Variants in ZNF155 observed in about 807,000 individuals in gnomAD.
The protein encoded by ZNF155 is zinc finger protein 155, also known as KRAB A domain.
A neutral mutation model predicts 11.9 loss-of-function variants in ZNF155; 15 were observed. The ratio of observed to expected loss-of-function variants is 1.26; its 90% CI spans 0.84 to 1.94. ZNF155 has a LOEUF of 1.94. Ranked by LOEUF, ZNF155 falls within the 30% of genes most tolerant of loss-of-function variation. The pLI, the probability that ZNF155 is intolerant of heterozygous loss-of-function variation, is 0.00. For missense variants in ZNF155, 602 were observed against 639.1 expected (o/e 0.94, Z 0.63); for synonymous variants, 212 against 219.9 (o/e 0.96, Z 0.32).
intron 2 of ZNF155, chr19:43,990,198 G>A (rs989182698): frequency 5.0e-6 from 4 of 802,206 alleles, no homozygotes; most frequent in Non-Finnish European, 1.8e-6. Context: ...ATTTTCATTT[G>A]AAATTATTAT....
chr19:43,997,643 C>A lies in ZNF155; in HGVS notation c.*169C>A. 1.5e-6 allele frequency: 1 copy of A among 663,358 alleles called. No individual in the cohort carries two copies. Among genetic ancestry groups the A allele is most frequent in the South Asian group, 2.2e-5 (1 of 46,312 alleles). The allele number at this position is 663,358 out of a possible 1,614,324, so 41.1% of individuals were successfully genotyped here. A position where few individuals can be genotyped will look rare whatever the true frequency, so the allele number is the denominator to read the frequency against. ...GTTGGTAGACAGCAAGGGAAGGGTC[C>A]CTGGAGACCCCCAGCCAAACGGGTC... On this transcript the variant is annotated 3_prime_UTR_variant, in exon 5 of 5. Coordinates refer to ENST00000270014, the MANE Select transcript of ZNF155 (RefSeq NM_198089.3).
chr19:43,985,627 C>T (rs1335701539), intron 1 of ZNF155, among the ~76,000 whole-genome samples: 1 of 150,796 alleles, frequency 6.6e-6, no homozygotes, highest in Non-Finnish European at 1.5e-5. Flanking sequence ...TGCAATAGGC[C>T]GCCTCCCAGG....
At chr19:43,991,315 A>C (rs1975654694) in intron 2 of ZNF155, among the ~76,000 whole-genome samples, 1 of 152,174 alleles carries the variant, frequency 6.6e-6, no homozygotes, top group Non-Finnish European at 1.5e-5. Context: ...AGACTCAATG[A>C]GTGCACAGAA....
intron 2 of ZNF155, chr19:43,988,857 A>G (rs980199311): frequency 4.0e-5 from 12 of 296,778 alleles, no homozygotes; most frequent in Admixed American, 2.4e-4. Flanking sequence ...GCTGTTCGTC[A>G]TGTACATTTG....
At chr19:43,989,330 C>T (rs1389387000) in intron 2 of ZNF155, among the ~76,000 whole-genome samples, 2 of 152,164 alleles carry the variant, frequency 1.3e-5, no homozygotes, top group African/African-American at 4.8e-5. Context: ...TTAACCAAAG[C>T]AGTAGAAAGC....
chr19:43,997,718 A>C lies in ZNF155; in HGVS notation c.*244A>C. On this transcript the variant is annotated 3_prime_UTR_variant, in exon 5 of 5. Transcript: ENST00000270014. ...AAAAGCAGCCTGGGGAAGACAATCAAGCTACAGGCACTGATAAGGGAACTA... is the reference window on the plus strand; with the variant it reads ...AAAAGCAGCCTGGGGAAGACAATCACGCTACAGGCACTGATAAGGGAACTA... 2.3e-6 allele frequency: 1 copy of C among 432,062 alleles called. No homozygotes were observed. The highest frequency in any genetic ancestry group is 4.1e-6 in the Non-Finnish European group (1 of 243,686). The allele number at this position is 432,062 out of a possible 1,614,324, so 26.8% of individuals were successfully genotyped here.
At position 43,997,389 on chromosome 19, in the gene ZNF155, C is replaced by T. The variant is rs867726050; in HGVS notation, c.1532C>T (p.Pro511Leu). 1 of 1,613,604 alleles carries T rather than the reference C, an allele frequency of 6.2e-7. No individual in the cohort carries two copies. Among genetic ancestry groups the T allele is most frequent in the East Asian group, 2.2e-5 (1 of 44,868 alleles). Residue 511 changes from proline to leucine, a missense_variant, in exon 5 of 5, where the codon CCA becomes CTA. Coordinates refer to ENST00000270014, the MANE Select transcript of ZNF155 (RefSeq NM_198089.3). ...CCGAGAGACTATAGTGGGGAAAACC[C>T]ATCCAAATGTGAGGATTGTGGGAGA... Reference protein sequence around the residue: ...DQPRDYSGENPSKCEDCGRRY... With the variant: ...DQPRDYSGENLSKCEDCGRRY...
chr19:43,995,522 C>T (rs1460020422), intron 4 of ZNF155, among the ~76,000 whole-genome samples: 2 of 150,984 alleles, frequency 1.3e-5, no homozygotes, highest in African/African-American at 4.9e-5. Flanking sequence ...GTAGCTGGGA[C>T]TACAGAGTGC....
intron 2 of ZNF155, chr19:43,988,881 A>G (rs1975557274): frequency 4.2e-6 from 1 of 238,128 alleles, no homozygotes; most frequent in African/African-American, 2.2e-5. Flanking sequence ...CTGTATTTGT[A>G]TTGATGATAT....
rs952972082 is a variant in ZNF155 at position 43,991,615 on chromosome 19, C to T, written c.83C>T (p.Ala28Val). 6 of 1,613,910 alleles carry T rather than the reference C, an allele frequency of 3.7e-6. No individual in the cohort carries two copies. The African/African-American group carries it at 8.0e-5, about 22-fold the overall frequency. Residue 28 changes from alanine to valine, a missense_variant, in exon 3 of 5, where the codon GCC becomes GTC. Ala to Val is a moderately conservative substitution (Grantham distance 64). Transcript: ENST00000270014. ...TEEELGLLDP[A>V]QRKLYRDVML... ...GAGGAGCTGGGGCTGCTGGACCCTG[C>T]CCAGAGGAAGCTGTACCGAGATGTG...
chr19:43,997,577 C>A lies in ZNF155; in HGVS notation c.*103C>A. On this transcript the variant is annotated 3_prime_UTR_variant, in exon 5 of 5. Coordinates refer to ENST00000270014, the MANE Select transcript of ZNF155 (RefSeq NM_198089.3). Reference sequence around the variant, plus strand: ...TGTATCTGTTACCTCAAACATTTACCATTTCTTTGTGTTGGAAAATTCAAA... The same window carrying A: ...TGTATCTGTTACCTCAAACATTTACAATTTCTTTGTGTTGGAAAATTCAAA... 9.3e-7 allele frequency: 1 copy of A among 1,080,014 alleles called. No individual in the cohort carries two copies. The highest frequency in any genetic ancestry group is 1.3e-6 in the Non-Finnish European group (1 of 781,878). The allele number at this position is 1,080,014 out of a possible 1,614,324, so 66.9% of individuals were successfully genotyped here. A position where few individuals can be genotyped will look rare whatever the true frequency, so the allele number is the denominator to read the frequency against.
intron 4 of ZNF155, 61 bp from the exon 5 acceptor site, chr19:43,996,032 C>A: frequency 2.0e-6 from 3 of 1,511,108 alleles, no homozygotes; most frequent in African/African-American, 2.8e-5. Flanking sequence ...AAGTGTGAAA[C>A]CTTGAGATCA....
At chr19:43,990,014 C>T in intron 2 of ZNF155, 1 of 1,450,466 alleles carries the variant, frequency 6.9e-7, no homozygotes, top group Non-Finnish European at 9.0e-7. Flanking sequence ...TGATTTGTTC[C>T]CCAAATCAGA....
At chr19:43,991,512 T>C in intron 2 of ZNF155, 36 bp from the exon 3 acceptor site, 3 of 1,613,890 alleles carry the variant, frequency 1.9e-6, no homozygotes, top group Non-Finnish European at 2.5e-6. Context: ...TAGTCCTTGG[T>C]CATAAGATTG....
At position 43,996,469 on chromosome 19, in the gene ZNF155, T is replaced by G. The variant is rs147279924; in HGVS notation, c.612T>G (p.Phe204Leu). 9.5e-5 allele frequency: 154 copies of G among 1,614,068 alleles called. No individual in the cohort carries two copies. The highest frequency in any genetic ancestry group is 1.2e-4 in the Non-Finnish European group (147 of 1,180,030). The change falls in exon 5 of 5, where the codon TTT becomes TTG. Residue 204 changes from phenylalanine (F) to leucine (L), a missense_variant. Coordinates refer to ENST00000270014, the MANE Select transcript of ZNF155 (RefSeq NM_198089.3). ...HQRVHVGEKL[F>L]MCDVCGKEFS... ...GAGTCCACGTGGGAGAGAAACTCTT[T>G]ATGTGTGATGTGTGTGGCAAGGAAT...
chr19:43,996,636 A>G lies in ZNF155; in HGVS notation c.779A>G (p.Tyr260Cys). Residue 260 changes from tyrosine (Y) to cysteine (C), a missense_variant, in exon 5 of 5, where the codon TAC becomes TGC. By Grantham distance (194) the Tyr-to-Cys change is radical. Transcript: ENST00000270014. ...AAATTACACACAGGAGAGAAACCTTACATTTGTGAGGCATGTGGGAAGGCC... is the reference window on the plus strand; with the variant it reads ...AAATTACACACAGGAGAGAAACCTTGCATTTGTGAGGCATGTGGGAAGGCC... Reference protein sequence around the residue: ...HRKLHTGEKPYICEACGKAFI... With the variant: ...HRKLHTGEKPCICEACGKAFI... 6.2e-7 allele frequency: 1 copy of G among 1,613,756 alleles called. No individual in the cohort carries two copies. Among genetic ancestry groups the G allele is most frequent in the Middle Eastern group, 1.7e-4 (1 of 6,058 alleles).
At position 43,991,682 on chromosome 19, in the gene ZNF155, C is replaced by A. The variant is rs200563285; in HGVS notation, c.142+8C>A. ...GGAACCTGCTCTCAGTGGGTGAGCA[C>A]GGGCATCTTTTGTGTCTGAACATCA... On this transcript the variant is annotated splice_region_variant and intron_variant, in intron 3 of 4. Transcript: ENST00000270014. The A allele has an allele frequency of 4.3e-6, 7 of 1,613,818 alleles. No homozygotes were observed. In the South Asian group the frequency reaches 5.5e-5, roughly 13 times the overall value.
chr19:43,989,308 G>C lies in ZNF155; in HGVS notation c.15+750G>C, dbSNP rs182643928. ...TACTGGTCTCTTCTTATTCATTTATGTAGTAAGCAGTTTAACCAAAGCAGT... is the reference window on the plus strand; with the variant it reads ...TACTGGTCTCTTCTTATTCATTTATCTAGTAAGCAGTTTAACCAAAGCAGT... On this transcript the variant is annotated intron_variant, in intron 2 of 4. Coordinates refer to ENST00000270014, the MANE Select transcript of ZNF155 (RefSeq NM_198089.3). Among the ~76,000 whole-genome samples, 8 of 152,284 alleles carry C rather than the reference G, an allele frequency of 5.3e-5. No homozygotes were observed. The East Asian group carries it at 1.5e-3, about 29-fold the overall frequency.
rs919656658 is a variant in ZNF155 at position 43,997,952 on chromosome 19, G to A, written c.*478G>A. The A allele has an allele frequency of 6.5e-6, 1 of 154,096 alleles. No individual in the cohort carries two copies. Among genetic ancestry groups the A allele is most frequent in the African/African-American group, 2.4e-5 (1 of 41,446 alleles). 9.5% of individuals were successfully genotyped at this position (154,096 alleles called of 1,614,324 possible). A position where few individuals can be genotyped will look rare whatever the true frequency, so the allele number is the denominator to read the frequency against. ...GGCATGAACACAGTGGGCTTCAGTA[G>A]GTTCAGGTTGGCACTTTCTTTTGTG... is the stretch of plus-strand genomic sequence containing the variant. On this transcript the variant is annotated 3_prime_UTR_variant, in exon 5 of 5. Transcript: ENST00000270014.
Sources: gnomAD v4.1 joint callset for allele counts (sites outside exome capture counted in the v4.1 genomes callset) on GRCh38, gnomAD v4.1.1 for gene constraint, MANE v1.5 for transcripts, NCBI Gene and HGNC (gene_info 2026-07-23, HGNC 2026-07-21) for gene names.